The following MREG variants were observed in gnomAD, a reference collection of about 807,000 sequenced individuals.
MREG encodes the protein melanoregulin.
Under a neutral mutation model 28.5 loss-of-function variants are expected in MREG, and 31 were observed. That is an observed-to-expected ratio of 1.09 (90% CI 0.82 to 1.47). The LOEUF (loss-of-function observed/expected upper bound fraction) is 1.47, where lower values mean the gene tolerates loss of function less well. MREG is among the 40% of genes most tolerant of loss of function. MREG has a pLI of 0.00. For missense variants in MREG, 256 were observed against 257.4 expected (o/e 0.99, Z 0.04); for synonymous variants, 106 against 95.2 (o/e 1.11, Z -0.66).
At chr2:216,016,707 C>T (rs1356213015), upstream of MREG, among the ~76,000 whole-genome samples, 1 of 152,058 alleles carries the variant, frequency 6.6e-6, no homozygotes, top group African/African-American at 2.4e-5. Flanking sequence ...AATATAGGCC[C>T]GTTTGGGGAA....
chr2:215,996,806 C>T (rs1002447274), intron 1 of MREG, among the ~76,000 whole-genome samples: 1 of 151,342 alleles, frequency 6.6e-6, no homozygotes, highest in Non-Finnish European at 1.5e-5. Context: ...AGTCTCGCTT[C>T]ATCACCCAGC....
chr2:216,026,381 T>C (rs1029855863), intron 1 of MREG, among the ~76,000 whole-genome samples: 1 of 150,692 alleles, frequency 6.6e-6, no homozygotes, highest in African/African-American at 2.5e-5. Flanking sequence ...TTATTTATTT[T>C]TGGAGACAGT....
chr2:215,985,317 G>A (rs1178569816), intron 2 of MREG, among the ~76,000 whole-genome samples: 1 of 152,186 alleles, frequency 6.6e-6, no homozygotes, highest in Non-Finnish European at 1.5e-5. Flanking sequence ...TGAACATAAG[G>A]ATAATGATTT....
At chr2:215,974,813 GAC>G (rs1206068849) in intron 2 of MREG, among the ~76,000 whole-genome samples, 14 of 107,402 alleles carry the variant, frequency 1.3e-4, no homozygotes, top group South Asian at 9.0e-4. Context: ...CACAGACACA[GAC>G]ACACACACAG....
chr2:215,973,166 G>A (rs1472897342), intron 2 of MREG, among the ~76,000 whole-genome samples: 1 of 152,136 alleles, frequency 6.6e-6, no homozygotes, highest in Non-Finnish European at 1.5e-5. Context: ...GGACAACAGA[G>A]GGAATGACCT....
chr2:215,986,291 T>C (rs1404071772), intron 2 of MREG, among the ~76,000 whole-genome samples: 1 of 152,218 alleles, frequency 6.6e-6, no homozygotes, highest in Non-Finnish European at 1.5e-5. Flanking sequence ...AAATTAAAAA[T>C]TCCAGTATTT....
chr2:216,003,187 C>T (rs1236083060), intron 1 of MREG, among the ~76,000 whole-genome samples: 1 of 152,092 alleles, frequency 6.6e-6, no homozygotes, highest in African/African-American at 2.4e-5. Flanking sequence ...CCTCAGCACT[C>T]GCCACCTACA....
chr2:215,964,513 A>C (rs1186293237), intron 2 of MREG, among the ~76,000 whole-genome samples: 3 of 152,098 alleles, frequency 2.0e-5, no homozygotes, highest in Non-Finnish European at 4.4e-5. Flanking sequence ...AAAAGAACAG[A>C]AAATCACACT....
chr2:216,007,915 G>T (rs984490891), intron 1 of MREG, among the ~76,000 whole-genome samples: 9 of 152,134 alleles, frequency 5.9e-5, no homozygotes, highest in Middle Eastern at 3.2e-3. Flanking sequence ...ATTAAATAAG[G>T]TGTCTTTAGG....
At chr2:215,942,079 C>T (rs1692204084), downstream of MREG, among the ~76,000 whole-genome samples, 1 of 152,124 alleles carries the variant, frequency 6.6e-6, no homozygotes, top group Non-Finnish European at 1.5e-5. Context: ...TTTAAGAAAG[C>T]ATAAATAATA....
At chr2:215,987,257 T>G (rs1693596495) in intron 2 of MREG, among the ~76,000 whole-genome samples, 1 of 152,124 alleles carries the variant, frequency 6.6e-6, no homozygotes, top group Non-Finnish European at 1.5e-5. Context: ...GCAACTTTTT[T>G]TTTTTTTAGA....
chr2:216,022,682 C>T (rs1299673098), intron 1 of MREG, among the ~76,000 whole-genome samples: 1 of 152,164 alleles, frequency 6.6e-6, no homozygotes, highest in East Asian at 1.9e-4. Context: ...GAAGACAAGC[C>T]CCCTACTATT....
chr2:216,017,429 G>C (rs1694464705), upstream of MREG, among the ~76,000 whole-genome samples: 1 of 152,152 alleles, frequency 6.6e-6, no homozygotes, highest in Non-Finnish European at 1.5e-5. Flanking sequence ...AAACTCTCCA[G>C]TTTCACATTC....
Position 215,943,812 on chromosome 2 carries a change from G to A in MREG, c.*1051C>T, listed in dbSNP as rs1432838872. The A allele has an allele frequency of 8.3e-6, 1 of 120,696 alleles. No homozygotes were observed. Among genetic ancestry groups the A allele is most frequent in the Non-Finnish European group, 1.6e-5 (1 of 63,968 alleles). 7.5% of individuals were successfully genotyped at this position (120,696 alleles called of 1,614,324 possible). On this transcript the variant is annotated 3_prime_UTR_variant, in exon 5 of 5. Transcript: ENST00000263268. ...GCCGAGATCGCACCACTGTACTCCA[G>A]CCTGGGCGACAGAGCGAGAGTCCAT... is the stretch of plus-strand genomic sequence containing the variant.
At chr2:216,026,703 A>C (rs1694600954) in intron 1 of MREG, among the ~76,000 whole-genome samples, 1 of 151,926 alleles carries the variant, frequency 6.6e-6, no homozygotes, top group South Asian at 2.1e-4. Context: ...CCTCAATTAA[A>C]TAAAATGGGG....
chr2:216,029,544 T>C lies in MREG; in HGVS notation c.-68+3245A>G, dbSNP rs574488758. ...ATGATAAACACAAGGCAGAAGGTGC[T>C]TATGCACCTCCCCCTGCCTCCAGGC... On this transcript the variant is annotated intron_variant, in intron 1 of 3. Transcript: ENST00000420348. 3.3e-5 allele frequency among the ~76,000 whole-genome samples: 5 copies of C among 152,296 alleles called. No individual in the cohort carries two copies. In the South Asian group the frequency reaches 1.0e-3, roughly 32 times the overall value.
At chr2:216,021,549 C>T (rs1694521346) in intron 1 of MREG, among the ~76,000 whole-genome samples, 1 of 152,154 alleles carries the variant, frequency 6.6e-6, no homozygotes, top group Admixed American at 6.5e-5. Flanking sequence ...GTGAGTGCCT[C>T]CTTTAATGTT....
intron 1 of MREG, among the ~76,000 whole-genome samples, chr2:216,000,512 C>T (rs564637791): frequency 6.6e-6 from 1 of 152,122 alleles, no homozygotes; most frequent in African/African-American, 2.4e-5. Flanking sequence ...AATAACTGCA[C>T]CTCTGGAGCA....
rs193221197 is a variant in MREG, at chr2:215,952,108, T to A, written c.256-4995A>T. Among the ~76,000 whole-genome samples the A allele has an allele frequency of 3.7e-3, 562 of 152,336 alleles. 5 individuals carry two copies. Among genetic ancestry groups the A allele is most frequent in the African/African-American group, 0.013 (533 of 41,570 alleles). The stretch of plus-strand genomic sequence containing the variant: ...ACAAGTGGCAGGATTTCCTTCTTTG[T>A]TAAGACTGAATAGCATTCCATTGCA... On this transcript the variant is annotated intron_variant, in intron 2 of 4. Coordinates refer to ENST00000263268, the MANE Select transcript of MREG (RefSeq NM_018000.3).
Sources: allele counts gnomAD v4.1 joint callset (sites outside exome capture counted in the v4.1 genomes callset), GRCh38; gene constraint gnomAD v4.1.1; transcripts MANE v1.5; gene names NCBI Gene and HGNC (gene_info 2026-07-23, HGNC 2026-07-21).